The following ABL1 variants were observed in gnomAD, a reference collection of about 807,000 sequenced individuals.
ABL1 encodes tyrosine-protein kinase ABL1.
In ABL1, 11 loss-of-function variants were observed where a neutral mutation model predicts 94.7. The ratio of observed to expected loss-of-function variants is 0.12; its 90% CI spans 0.07 to 0.19. ABL1 has a LOEUF of 0.19. Ranked by LOEUF, ABL1 falls within the 10% of genes least tolerant of loss-of-function variation. The pLI, the probability that ABL1 is intolerant of heterozygous loss-of-function variation, is 1.00. For synonymous variants in ABL1, 656 were observed against 622.4 expected (o/e 1.05, Z -0.80); for missense variants, 1,082 against 1,489.4 (o/e 0.73, Z 4.50).
At chr9:130,776,783 G>T (rs1222688190) in intron 1 of ABL1, among the ~76,000 whole-genome samples, 1 of 152,130 alleles carries the variant, frequency 6.6e-6, no homozygotes, top group East Asian at 1.9e-4. Flanking sequence ...TTTGAGACGG[G>T]TTCTTCCTAT....
intron 1 of ABL1, among the ~76,000 whole-genome samples, chr9:130,824,210 T>C (rs1830398600): frequency 6.6e-6 from 1 of 152,160 alleles, no homozygotes; most frequent in Admixed American, 6.5e-5. Context: ...GGAAAGCTGC[T>C]GGTGTAGTTT....
At chr9:130,798,887 C>G (rs564349497) in intron 1 of ABL1, among the ~76,000 whole-genome samples, 1 of 148,346 alleles carries the variant, frequency 6.7e-6, no homozygotes, top group African/African-American at 2.5e-5. Context: ...AGAAGAATTG[C>G]TTGAACCCAG....
intron 7 of ABL1, among the ~76,000 whole-genome samples, chr9:130,875,886 G>GCAGTA (rs1831332693): frequency 6.6e-6 from 1 of 152,050 alleles, no homozygotes; most frequent in African/African-American, 2.4e-5. Flanking sequence ...GGAGTGCAGT[G>GCAGTA]GCACGATCTT....
In ABL1 at chr9:130,880,612, A is replaced by C. The variant is rs1371047419; in HGVS notation, c.1626A>C (p.Arg542Ser). Residue 542 changes from arginine to serine, a missense_variant, in exon 10 of 11, where the codon AGA becomes AGC. By Grantham distance (110) the Arg-to-Ser change is moderately radical. Around this residue, in one of 7 missense-constraint regions of ABL1, gnomAD observed 780 missense variants for 835.8 expected, o/e 0.93. Coordinates refer to ENST00000318560, the MANE Select transcript of ABL1 (RefSeq NM_005157.6). The surrounding 1 kb of genome is among the most constrained non-coding windows in gnomAD (Gnocchi z 4.4). ...TRTSRRAAEH[R>S]DTTDVPEMPH... ...CCTCCAGGAGAGCTGCAGAGCACAG[A>C]GACACCACTGACGTGCCTGAGATGC... is the stretch of plus-strand genomic sequence containing the variant. 4 of 1,613,542 alleles carry C rather than the reference A, an allele frequency of 2.5e-6. No individual in the cohort carries two copies. Among genetic ancestry groups the C allele is most frequent in the Non-Finnish European group, 3.4e-6 (4 of 1,179,862 alleles).
At chr9:130,729,445 C>G (rs900796453) in intron 1 of ABL1, among the ~76,000 whole-genome samples, 1 of 152,172 alleles carries the variant, frequency 6.6e-6, no homozygotes, top group Non-Finnish European at 1.5e-5. Flanking sequence ...ATCCTCAAAT[C>G]CAAGTCTTTG....
intron 1 of ABL1, among the ~76,000 whole-genome samples, chr9:130,825,281 CT>C (rs1036042556): frequency 6.6e-5 from 10 of 152,150 alleles, no homozygotes; most frequent in African/African-American, 2.2e-4. Context: ...CCTTTTAGCC[CT>C]TCTCTCTACA....
intron 1 of ABL1, among the ~76,000 whole-genome samples, chr9:130,851,265 T>C (rs1308411167): frequency 6.6e-6 from 1 of 152,188 alleles, no homozygotes; most frequent in Non-Finnish European, 1.5e-5. Context: ...AACATATGAC[T>C]AAGCTTCTTC....
intron 1 of ABL1, among the ~76,000 whole-genome samples, chr9:130,760,620 A>G (rs188026411): frequency 6.6e-6 from 1 of 152,198 alleles, no homozygotes; most frequent in African/African-American, 2.4e-5. Flanking sequence ...TAAGGAAGAA[A>G]ATTTCTCTTG....
chr9:130,750,453 C>T lies in ABL1; in HGVS notation c.136+35998C>T, dbSNP rs1195989981. 3.8e-5 allele frequency among the ~76,000 whole-genome samples: 3 copies of T among 78,076 alleles called. No homozygotes were observed. The Admixed American group carries it at 5.7e-4, about 15-fold the overall frequency. 51.2% of individuals were successfully genotyped at this position (78,076 alleles called of 152,430 possible). ...CCTCCCTCCCTCCCTCCCTCCTTTC[C>T]TCACTCCCTTTCTTTTTTGACAGAG... On this transcript the variant is annotated intron_variant, in intron 1 of 10. Coordinates refer to the ABL1 transcript ENST00000372348.
rs536342596 is a variant in ABL1, at chr9:130,755,458, T to G, written c.136+41003T>G. Among the ~76,000 whole-genome samples, 4 of 152,312 alleles carry G rather than the reference T, an allele frequency of 2.6e-5. No individual in the cohort carries two copies. The South Asian group carries it at 8.3e-4, about 32-fold the overall frequency. On this transcript the variant is annotated intron_variant, in intron 1 of 10. Transcript: ENST00000372348. ...GTAGTAGCATTGACAGAACAGTCTC[T>G]GTGTACTCTGTCCCCTCAGTGCTTT...
At chr9:130,786,421 A>G (rs1439830336) in intron 1 of ABL1, among the ~76,000 whole-genome samples, 1 of 152,230 alleles carries the variant, frequency 6.6e-6, no homozygotes, top group African/African-American at 2.4e-5. Context: ...ATGGATGCCA[A>G]ATAGATGAAT....
intron 1 of ABL1, among the ~76,000 whole-genome samples, chr9:130,806,246 C>T (rs148038573): frequency 6.6e-6 from 1 of 152,312 alleles, no homozygotes; most frequent in African/African-American, 2.4e-5. Context: ...ATACCATTTG[C>T]TTAACAGATA....
chr9:130,777,257 G>A (rs1829676963), intron 1 of ABL1, among the ~76,000 whole-genome samples: 1 of 152,218 alleles, frequency 6.6e-6, no homozygotes, highest in Non-Finnish European at 1.5e-5. Context: ...GTCCATTCAT[G>A]CTTAAGAACA....
intron 6 of ABL1, among the ~76,000 whole-genome samples, chr9:130,874,037 A>ATTCAAGCGAACTTAAAATGCT (rs1390728030): frequency 6.6e-6 from 1 of 152,190 alleles, no homozygotes; most frequent in African/African-American, 2.4e-5. Flanking sequence ...TTCCTTCTTC[A>ATTCAAGCGAACTTAAAATGCT]TTCAAGCGAA....
chr9:130,733,832 C>T (rs561890043), intron 1 of ABL1, among the ~76,000 whole-genome samples: 36 of 152,112 alleles, frequency 2.4e-4, no homozygotes, highest in African/African-American at 6.3e-4. Flanking sequence ...CTTTGTGATC[C>T]GCCCGCCTCG....
intron 1 of ABL1, among the ~76,000 whole-genome samples, chr9:130,741,438 C>G (rs1373747501): frequency 6.6e-6 from 1 of 151,984 alleles, no homozygotes; most frequent in Non-Finnish European, 1.5e-5. Flanking sequence ...AGTTACCGCA[C>G]TGATGCACCA....
At chr9:130,861,147 C>T (rs547302675) in intron 3 of ABL1, among the ~76,000 whole-genome samples, 1 of 152,328 alleles carries the variant, frequency 6.6e-6, no homozygotes, top group East Asian at 1.9e-4. Flanking sequence ...GCGGTCCTGT[C>T]TTGCAGAGGG....
At chr9:130,845,365 A>G (rs1049839830) in intron 1 of ABL1, among the ~76,000 whole-genome samples, 5 of 151,332 alleles carry the variant, frequency 3.3e-5, no homozygotes, top group Admixed American at 6.6e-5. Context: ...TTTTTTAGAC[A>G]GAGTCGAGCT....
intron 1 of ABL1, among the ~76,000 whole-genome samples, chr9:130,729,137 T>C (rs985015926): frequency 6.6e-6 from 1 of 152,178 alleles, no homozygotes. Flanking sequence ...TAGAGGGTAC[T>C]CTTTAGACTT....
Sources: gnomAD v4.1 joint callset for allele counts (sites outside exome capture counted in the v4.1 genomes callset) on GRCh38, gnomAD v4.1.1 for gene constraint, gnomAD v4.1.1 regional missense constraint, Gnocchi (gnomAD v3.1) non-coding constraint, MANE v1.5 for transcripts, NCBI Gene and HGNC (gene_info 2026-07-23, HGNC 2026-07-21) for gene names.